The following JARID2 variants were observed in gnomAD, a reference collection of about 807,000 sequenced individuals.
JARID2 encodes the protein protein Jumonji.
In JARID2, 21 loss-of-function variants were observed where a neutral mutation model predicts 125.6. That is an observed-to-expected ratio of 0.17 (90% CI 0.12 to 0.24). The LOEUF is 0.24. JARID2 is among the 10% of genes least tolerant of loss of function. The pLI, the probability that JARID2 is intolerant of heterozygous loss-of-function variation, is 1.00. For synonymous variants in JARID2, 736 were observed against 661.6 expected, an observed-to-expected ratio of 1.11 and a Z score of -1.73; for missense variants, 1,303 against 1,639.6, an observed-to-expected ratio of 0.79 and a Z score of 3.55.
At chr6:15,280,623 AC>A (rs1228979462) in intron 1 of JARID2, among the ~76,000 whole-genome samples, 1 of 138,468 alleles carries the variant, frequency 7.2e-6, no homozygotes, top group Non-Finnish European at 1.5e-5. Context: ...TTATCCCCAC[AC>A]CCTGCTTTTT....
At chr6:15,308,933 C>T (rs6923291) in intron 1 of JARID2, among the ~76,000 whole-genome samples, 3,583 of 152,278 alleles carry the variant, frequency 0.024, 153 homozygotes, top group African/African-American at 0.081. Context: ...GGGAAGTCCC[C>T]TGCAGGGTGG....
Position 15,468,714 on chromosome 6 carries a change from G to A in JARID2, c.666G>A (p.Gly222=), listed in dbSNP as rs1561883821. 6.2e-7 allele frequency: 1 copy of A among 1,610,078 alleles called. No homozygotes were observed. The highest frequency in any genetic ancestry group is 1.3e-5 in the African/African-American group (1 of 74,634). The stretch of plus-strand genomic sequence containing the variant: ...AAACCCACAAACATGTTCACAACGG[G>A]CATGGTAGGTCCACCGTTGAACTTG... ...KGKTHKHVHN[G]HVFNGSSRST... Residue 222 remains glycine (G), a synonymous_variant, in exon 5 of 18, where the codon GGG becomes GGA. Transcript: ENST00000341776.
Position 15,374,264 on chromosome 6 carries a change from C to T in JARID2, c.181+12C>T, listed in dbSNP as rs761857077. Reference sequence around the variant, plus strand: ...GAAAACTGTGAATGGTGAGTTGACTCTTGGAATATCTCATTGGAATGTACA... The same window carrying T: ...GAAAACTGTGAATGGTGAGTTGACTTTTGGAATATCTCATTGGAATGTACA... On this transcript the variant is annotated intron_variant, in intron 2 of 17. Transcript: ENST00000341776. The T allele has an allele frequency of 3.1e-6, 5 of 1,612,786 alleles. No individual in the cohort carries two copies. The Admixed American group carries it at 6.7e-5, about 22-fold the overall frequency.
At chr6:15,430,941 G>T (rs747565867) in intron 3 of JARID2, among the ~76,000 whole-genome samples, 19 of 152,136 alleles carry the variant, frequency 1.2e-4, no homozygotes, top group Non-Finnish European at 2.5e-4. Context: ...TTACAAATTT[G>T]TTCAGCCTGT....
At chr6:15,490,710 T>G (rs180688523) in intron 6 of JARID2, among the ~76,000 whole-genome samples, 1 of 152,374 alleles carries the variant, frequency 6.6e-6, no homozygotes, top group East Asian at 1.9e-4. Flanking sequence ...TTCTGTTGCT[T>G]TCCTGCAGTA....
rs140498558 is a variant in JARID2, at chr6:15,458,627, G to A, written c.493+6452G>A. Among the ~76,000 whole-genome samples, 13 of 152,320 alleles carry A rather than the reference G, an allele frequency of 8.5e-5. No individual in the cohort carries two copies. The East Asian group carries it at 1.7e-3, about 20-fold the overall frequency. On this transcript the variant is annotated intron_variant, in intron 4 of 17. Coordinates refer to ENST00000341776, the MANE Select transcript of JARID2 (RefSeq NM_004973.4). Reference sequence around the variant, plus strand: ...GATTAGACACAGGAAAGCAGTATTGGTGGTGGGTGAAATTGAGGATATAAC... The same window carrying A: ...GATTAGACACAGGAAAGCAGTATTGATGGTGGGTGAAATTGAGGATATAAC...
intron 1 of JARID2, among the ~76,000 whole-genome samples, chr6:15,272,379 G>A (rs1454074309): frequency 3.9e-5 from 6 of 152,198 alleles, no homozygotes; most frequent in African/African-American, 1.4e-4. Flanking sequence ...GAATTTCTGC[G>A]TAGAGCTCTT....
intron 5 of JARID2, among the ~76,000 whole-genome samples, chr6:15,486,921 A>C (rs1769898184): frequency 6.7e-6 from 1 of 149,684 alleles, no homozygotes; most frequent in African/African-American, 2.5e-5. Context: ...TAAAGATACT[A>C]CCTGAGACTG....
intron 1 of JARID2, among the ~76,000 whole-genome samples, chr6:15,323,848 C>T (rs1240056468): frequency 6.6e-6 from 1 of 151,628 alleles, no homozygotes; most frequent in East Asian, 2.0e-4. Context: ...GCTGATCGCG[C>T]CACTGTACTC....
In JARID2 at chr6:15,510,600, A is replaced by G. The variant is rs145549778; in HGVS notation, c.2847-696A>G. Among the ~76,000 whole-genome samples the G allele has an allele frequency of 4.6e-5, 7 of 152,294 alleles. No individual in the cohort carries two copies. The East Asian group carries it at 1.4e-3, about 30-fold the overall frequency. On this transcript the variant is annotated intron_variant, in intron 12 of 17. Transcript: ENST00000341776. Reference sequence around the variant, plus strand: ...GGCCACCCTCTGACAGAGGCCTATGAGCCCTTGATCCTCCTGTGTGTCTTG... The same window carrying G: ...GGCCACCCTCTGACAGAGGCCTATGGGCCCTTGATCCTCCTGTGTGTCTTG...
At chr6:15,500,017 TA>T (rs1275554279) in intron 7 of JARID2, among the ~76,000 whole-genome samples, 2 of 152,230 alleles carry the variant, frequency 1.3e-5, no homozygotes, top group Non-Finnish European at 2.9e-5. Flanking sequence ...TCTAAAGATT[TA>T]AAACGTTGTT....
At chr6:15,356,279 G>A (rs913969128) in intron 1 of JARID2, among the ~76,000 whole-genome samples, 2 of 152,092 alleles carry the variant, frequency 1.3e-5, no homozygotes, top group East Asian at 1.9e-4. Context: ...TTGTGTTCAC[G>A]TTTTACATGA....
intron 1 of JARID2, among the ~76,000 whole-genome samples, chr6:15,310,069 A>C (rs1015746872): frequency 6.6e-6 from 1 of 152,176 alleles, no homozygotes; most frequent in Admixed American, 6.5e-5. Context: ...TAATGAGATT[A>C]AGGCCAGGGA....
chr6:15,376,504 C>G (rs774758987), intron 2 of JARID2, among the ~76,000 whole-genome samples: 15 of 152,004 alleles, frequency 9.9e-5, no homozygotes, highest in African/African-American at 1.5e-4. Context: ...TTGCTGGAGC[C>G]CAGGAGTTCG....
chr6:15,497,302 G>C (rs1325950364), intron 7 of JARID2, 132 bp downstream of exon 7: 2 of 718,364 alleles, frequency 2.8e-6, no homozygotes, highest in African/African-American at 3.6e-5. Flanking sequence ...GGGAGTAGTG[G>C]GCTTCTCAGC....
At chr6:15,258,676 G>A (rs1759759587) in intron 1 of JARID2, among the ~76,000 whole-genome samples, 5 of 152,158 alleles carry the variant, frequency 3.3e-5, no homozygotes, top group Non-Finnish European at 4.4e-5. Flanking sequence ...CAGCTACTTG[G>A]GAGGCTGAGG....
At chr6:15,469,149 G>A (rs1250732521) in intron 5 of JARID2, among the ~76,000 whole-genome samples, 3 of 151,924 alleles carry the variant, frequency 2.0e-5, no homozygotes, top group South Asian at 2.1e-4. Context: ...TTCCCCTTGC[G>A]TGTATAGTGT....
intron 1 of JARID2, among the ~76,000 whole-genome samples, chr6:15,267,768 G>A (rs971165567): frequency 1.2e-4 from 18 of 152,248 alleles, no homozygotes; most frequent in Admixed American, 3.3e-4. Context: ...GCAGTAGGGG[G>A]TTTTTGGGTG....
chr6:15,508,158 TC>T (rs777425407), intron 11 of JARID2, among the ~76,000 whole-genome samples, 181 bp from the exon 12 acceptor site: 5 of 152,244 alleles, frequency 3.3e-5, no homozygotes, highest in Non-Finnish European at 5.9e-5. Context: ...GTTCATATTC[TC>T]CCACTTCTGT....
Sources: gnomAD v4.1 joint callset for allele counts (sites outside exome capture counted in the v4.1 genomes callset) on GRCh38, gnomAD v4.1.1 for gene constraint, MANE v1.5 for transcripts, NCBI Gene and HGNC (gene_info 2026-07-23, HGNC 2026-07-21) for gene names.